The following CNOT3 variants were observed in gnomAD, a reference collection of about 807,000 sequenced individuals.
CNOT3 encodes the protein CCR4-associated factor 3.
In CNOT3, 2 loss-of-function variants were observed where a neutral mutation model predicts 89.4. The observed-to-expected ratio is 0.02, with a 90% CI of 0.01 to 0.07. The LOEUF is 0.07. Among genes scored for constraint, CNOT3 ranks in the 10% least tolerant of loss-of-function variants. The pLI is 1.00. For missense variants in CNOT3, 664 were observed against 1,010.2 expected, an observed-to-expected ratio of 0.66 and a Z score of 4.65; for synonymous variants, 486 against 402.0, an observed-to-expected ratio of 1.21 and a Z score of -2.50.
chr19:54,148,293 C>T lies in CNOT3; in HGVS notation c.1040C>T (p.Ala347Val). 1 of 1,609,130 alleles carries T rather than the reference C, an allele frequency of 6.2e-7. No homozygotes were observed. The highest frequency in any genetic ancestry group is 8.5e-7 in the Non-Finnish European group (1 of 1,177,222). The change falls in exon 11 of 18, where the codon GCA (alanine) becomes GTA (valine). Residue 347 changes from alanine (A) to valine (V), a missense_variant. Physicochemically the swap from Ala to Val is moderately conservative, Grantham distance 64. Coordinates refer to ENST00000221232, the MANE Select transcript of CNOT3 (RefSeq NM_014516.4). This position sits in a 1 kb window ranked among gnomAD's most constrained non-coding sequence, Gnocchi z 6.3. The part of the protein sequence containing the change: ...TPGNNGVPAP[A>V]APPSALGPKA... The stretch of plus-strand genomic sequence containing the variant: ...GGCAACAATGGGGTCCCCGCCCCCG[C>T]AGCACCCCCAAGTGCCCTGGGCCCC...
chr19:54,142,990 G>A lies in CNOT3; in HGVS notation c.12G>A (p.Lys4=). The change falls in exon 2 of 18, where the codon AAG becomes AAA. Residue 4 remains lysine, a synonymous_variant. Transcript: ENST00000221232. Reference sequence around the variant, plus strand: ...GTAGGGCAGGGAAGATGGCGGACAAGCGCAAACTCCAAGGTACTAGACTGA... The same window carrying A: ...GTAGGGCAGGGAAGATGGCGGACAAACGCAAACTCCAAGGTACTAGACTGA... MAD[K]RKLQGEIDRC... 1 of 1,614,096 alleles carries A rather than the reference G, an allele frequency of 6.2e-7. No homozygotes were observed. The highest frequency in any genetic ancestry group is 1.1e-5 in the South Asian group (1 of 91,084).
chr19:54,148,035 G>GT lies in CNOT3; in HGVS notation c.895-113_895-112insT. ...CCCAAGAGGGCAGGAGCAGGTGGGG[G>GT]CAGCGAGGCCAGAGAGGAGGCTGCT... On this transcript the variant is annotated intron_variant, in intron 10 of 17. Coordinates refer to ENST00000221232, the MANE Select transcript of CNOT3 (RefSeq NM_014516.4). The surrounding 1 kb of genome is among the most constrained non-coding windows in gnomAD (Gnocchi z 6.3). 2.6e-6 allele frequency: 2 copies of GT among 760,152 alleles called. No individual in the cohort carries two copies. Among genetic ancestry groups the GT allele is most frequent in the Non-Finnish European group, 2.0e-6 (1 of 508,846 alleles). 47.1% of individuals were successfully genotyped at this position (760,152 alleles called of 1,614,324 possible). A position where few individuals can be genotyped will look rare whatever the true frequency, so the allele number is the denominator to read the frequency against.
Position 54,149,760 on chromosome 19 carries a change from TG to T in CNOT3, c.1605+5del. 6.2e-7 allele frequency: 1 copy of T among 1,601,296 alleles called. No homozygotes were observed. The highest frequency in any genetic ancestry group is 8.5e-7 in the Non-Finnish European group (1 of 1,173,148). On this transcript the variant is annotated splice_donor_region_variant and intron_variant, in intron 13 of 17. Coordinates refer to ENST00000221232, the MANE Select transcript of CNOT3 (RefSeq NM_014516.4). The stretch of plus-strand genomic sequence containing the variant: ...TTCAGCACCGCCCCAGAAATCAAGG[TG>T]GGCTCCTCGGACATCCCCCGAGCCT...
At chr19:54,146,499 G>A (rs1259510717) in intron 9 of CNOT3, 102 bp from the exon 10 acceptor site, 2 of 754,876 alleles carry the variant, frequency 2.6e-6, no homozygotes, top group Non-Finnish European at 4.9e-6. Flanking sequence ...GGCCGCAATG[G>A]CAGTCAATTG....
chr19:54,153,711 C>G lies in CNOT3; in HGVS notation c.2038-4C>G. ...GATCCCCCTCTCCACTGTTCCTCCCCCAGGGCACTAAGGCACAGTATCTGG... is the reference window on the plus strand; with the variant it reads ...GATCCCCCTCTCCACTGTTCCTCCCGCAGGGCACTAAGGCACAGTATCTGG... On this transcript the variant is annotated splice_polypyrimidine_tract_variant and splice_region_variant and intron_variant, in intron 16 of 17. Transcript: ENST00000221232. 6.2e-7 allele frequency: 1 copy of G among 1,613,714 alleles called. No individual in the cohort carries two copies. The highest frequency in any genetic ancestry group is 8.5e-7 in the Non-Finnish European group (1 of 1,179,618).
Position 54,155,537 on chromosome 19 carries a change from A to T in CNOT3, c.*130A>T. ...CATCCCCCTCTCCCAGGAAGCAGGG[A>T]GGGGGCCGGGAGGTTTTCCTCTCAG... On this transcript the variant is annotated 3_prime_UTR_variant, in exon 18 of 18. Coordinates refer to ENST00000221232, the MANE Select transcript of CNOT3 (RefSeq NM_014516.4). 3.3e-6 allele frequency: 3 copies of T among 904,828 alleles called. No homozygotes were observed. The highest frequency in any genetic ancestry group is 5.0e-6 in the Non-Finnish European group (3 of 605,036). The allele number at this position is 904,828 out of a possible 1,614,324, so 56.0% of individuals were successfully genotyped here.
intron 5 of CNOT3, 23 bp from the exon 6 acceptor site, chr19:54,143,983 C>G (rs376371473): frequency 1.3e-5 from 20 of 1,585,964 alleles, no homozygotes; most frequent in Non-Finnish European, 1.7e-5. Flanking sequence ...TGAGAGCCCC[C>G]CTGCCAACTG....
intron 17 of CNOT3, chr19:54,154,933 C>G: frequency 4.5e-6 from 1 of 223,438 alleles, no homozygotes; most frequent in Non-Finnish European, 8.8e-6. Flanking sequence ...GTGACAGTAC[C>G]CACTGCCTCG....
intron 12 of CNOT3, 152 bp from the exon 13 acceptor site, chr19:54,149,408 A>C: frequency 2.0e-6 from 1 of 506,168 alleles, no homozygotes; most frequent in Non-Finnish European, 3.5e-6. Flanking sequence ...TTGCCCAGAG[A>C]ACCACTTCTT....
At chr19:54,153,912 C>T (rs780289704) in intron 17 of CNOT3, 72 bp downstream of exon 17, 3 of 1,592,568 alleles carry the variant, frequency 1.9e-6, no homozygotes, top group Non-Finnish European at 2.6e-6. Context: ...GCAGCCCCTG[C>T]TGGCCTCTGC....
intron 1 of CNOT3, among the ~76,000 whole-genome samples, 181 bp downstream of exon 1, chr19:54,138,174 C>T (rs1029918285): frequency 7.9e-5 from 12 of 151,968 alleles, no homozygotes; most frequent in East Asian, 1.9e-4. Context: ...GCGGCTCCCT[C>T]CCTCTCGCCC....
chr19:54,153,017 G>C lies in CNOT3; in HGVS notation c.2037+18G>C, dbSNP rs2075211950. 1 of 1,592,888 alleles carries C rather than the reference G, an allele frequency of 6.3e-7. No individual in the cohort carries two copies. On this transcript the variant is annotated intron_variant, in intron 16 of 17. Transcript: ENST00000221232. ...ATCTGGAGGTACAGCAGGGCCCCCG[G>C]GGCAGCCTCGGGCCCCCCGGCTTCG... is the stretch of plus-strand genomic sequence containing the variant.
intron 10 of CNOT3, among the ~76,000 whole-genome samples, chr19:54,146,900 G>A (rs984825327): frequency 2.0e-5 from 3 of 152,202 alleles, no homozygotes; most frequent in Non-Finnish European, 2.9e-5. Flanking sequence ...GCTGTGGAGT[G>A]CCCTGGGCTT....
At chr19:54,149,022 T>C (rs1420434649) in intron 12 of CNOT3, among the ~76,000 whole-genome samples, 1 of 152,246 alleles carries the variant, frequency 6.6e-6, no homozygotes, top group African/African-American at 2.4e-5. Context: ...TCCCCATTTC[T>C]GTTACCTGCC....
rs116489078 is a variant in CNOT3, at chr19:54,153,324, C to T, written c.2037+325C>T. 1.3e-3 allele frequency: 1,016 copies of T among 762,424 alleles called. 10 individuals carry two copies. In the African/African-American group the frequency reaches 0.015, roughly 11 times the overall value. The allele number at this position is 762,424 out of a possible 1,614,324, so 47.2% of individuals were successfully genotyped here. A position where few individuals can be genotyped will look rare whatever the true frequency, so the allele number is the denominator to read the frequency against. On this transcript the variant is annotated intron_variant, in intron 16 of 17. Transcript: ENST00000221232. ...AGCCCCAGTCTAGGCCGACCCCACT[C>T]TGCTCATTGGCACATTCTCAGGCCT... is the stretch of plus-strand genomic sequence containing the variant.
chr19:54,155,127 T>C, intron 17 of CNOT3, 182 bp from the exon 18 acceptor site: 1 of 642,914 alleles, frequency 1.6e-6, no homozygotes, highest in Non-Finnish European at 2.6e-6. Flanking sequence ...TGAAGTGGCA[T>C]GATAACATTT....
At position 54,143,266 on chromosome 19, in the gene CNOT3, A is replaced by G. The variant is rs2074527083; in HGVS notation, c.93+80A>G. On this transcript the variant is annotated intron_variant, in intron 3 of 17. Transcript: ENST00000221232. ...GGCGGCTCAGGACCTCTGGGTGTTG[A>G]CCAGCGGGAGGGGCTACATATGCAG... The G allele has an allele frequency of 1.1e-5, 14 of 1,292,852 alleles. No individual in the cohort carries two copies. The South Asian group carries it at 1.3e-4, about 12-fold the overall frequency. 80.1% of individuals were successfully genotyped at this position (1,292,852 alleles called of 1,614,324 possible).
chr19:54,153,343 C>T lies in CNOT3; in HGVS notation c.2037+344C>T, dbSNP rs750800678. 9 of 762,352 alleles carry T rather than the reference C, an allele frequency of 1.2e-5. No individual in the cohort carries two copies. In the East Asian group the frequency reaches 2.2e-4, roughly 19 times the overall value. 47.2% of individuals were successfully genotyped at this position (762,352 alleles called of 1,614,324 possible). On this transcript the variant is annotated intron_variant, in intron 16 of 17. Coordinates refer to ENST00000221232, the MANE Select transcript of CNOT3 (RefSeq NM_014516.4). ...CCCACTCTGCTCATTGGCACATTCT[C>T]AGGCCTCCCTGGAGACCACTGGGGA... is the stretch of plus-strand genomic sequence containing the variant.
At chr19:54,139,832 A>G (rs1312362469) in intron 1 of CNOT3, among the ~76,000 whole-genome samples, 1 of 151,814 alleles carries the variant, frequency 6.6e-6, no homozygotes, top group African/African-American at 2.4e-5. Flanking sequence ...AAGGTGGGAG[A>G]TTCCAGCCCC....
Sources: gnomAD v4.1 joint callset for allele counts (sites outside exome capture counted in the v4.1 genomes callset) on GRCh38, gnomAD v4.1.1 for gene constraint, Gnocchi (gnomAD v3.1) non-coding constraint, MANE v1.5 for transcripts, NCBI Gene and HGNC (gene_info 2026-07-23, HGNC 2026-07-21) for gene names.